RBFOX1: variants seen among roughly 807,000 people sequenced by gnomAD.
The protein encoded by RBFOX1 is RNA binding fox-1 homolog 1, also known as RNA binding protein fox-1 homolog 1.
RBFOX1 carries 8 observed loss-of-function variants against 57.7 expected under a neutral mutation model. The observed-to-expected ratio is 0.14, with a 90% CI of 0.08 to 0.25. The LOEUF (loss-of-function observed/expected upper bound fraction) is 0.25, where lower values mean the gene tolerates loss of function less well. Ranked by LOEUF, RBFOX1 falls within the 10% of genes least tolerant of loss-of-function variation. The pLI is 1.00. For missense variants in RBFOX1, 611 were observed against 548.5 expected (o/e 1.11, Z -1.14); for synonymous variants, 326 against 222.4 (o/e 1.47, Z -4.15).
intron 3 of RBFOX1, among the ~76,000 whole-genome samples, chr16:6,849,893 TATTTG>T (rs2141919985): frequency 6.6e-6 from 1 of 152,288 alleles, no homozygotes; most frequent in South Asian, 2.1e-4. Context: ...GATTTATAAT[TATTTG>T]TGTGTGTATA....
chr16:5,877,867 A>G (rs573878285), intron 4 of RBFOX1, among the ~76,000 whole-genome samples: 1 of 152,306 alleles, frequency 6.6e-6, no homozygotes, highest in South Asian at 2.1e-4. Flanking sequence ...CATGGTGATG[A>G]TAAACTGGTA....
intron 1 of RBFOX1, among the ~76,000 whole-genome samples, chr16:5,417,907 C>T (rs575701462): frequency 1.2e-4 from 18 of 152,122 alleles, no homozygotes; most frequent in Admixed American, 7.2e-4. Flanking sequence ...ATAGTGGAAC[C>T]GCATCTCTAC....
At chr16:6,953,462 C>T (rs528422387) in intron 3 of RBFOX1, among the ~76,000 whole-genome samples, 17 of 151,946 alleles carry the variant, frequency 1.1e-4, no homozygotes, top group Admixed American at 2.0e-4. Flanking sequence ...CTCAGCTCAC[C>T]GCAACCTCCA....
chr16:6,927,414 C>G (rs1278213293), intron 3 of RBFOX1, among the ~76,000 whole-genome samples: 3 of 53,154 alleles, frequency 5.6e-5, no homozygotes, highest in Non-Finnish European at 8.7e-5. Context: ...CGCTTTCTCA[C>G]AAAAAAAAAA....
chr16:7,565,127 T>A (rs1239560043), intron 5 of RBFOX1, among the ~76,000 whole-genome samples: 1 of 152,080 alleles, frequency 6.6e-6, no homozygotes, highest in African/African-American at 2.4e-5. Flanking sequence ...GAAGTGTGGG[T>A]TTTAGTTCAC....
intron 1 of RBFOX1, among the ~76,000 whole-genome samples, chr16:6,245,440 T>C (rs1239502110): frequency 6.6e-6 from 1 of 152,202 alleles, no homozygotes; most frequent in Non-Finnish European, 1.5e-5. Context: ...TTCACTTTTA[T>C]TAAGCACTTT....
intron 3 of RBFOX1, among the ~76,000 whole-genome samples, chr16:5,825,731 C>T (rs1468252896): frequency 6.6e-6 from 1 of 151,152 alleles, no homozygotes; most frequent in Non-Finnish European, 1.5e-5. Flanking sequence ...CCTGTTTCCT[C>T]CTTCCCTTAT....
intron 4 of RBFOX1, among the ~76,000 whole-genome samples, chr16:7,369,250 C>T (rs574000342): frequency 1.3e-5 from 2 of 151,986 alleles, no homozygotes; most frequent in African/African-American, 2.4e-5. Flanking sequence ...ACAGAAACCA[C>T]GATGTTCCTG....
intron 4 of RBFOX1, among the ~76,000 whole-genome samples, chr16:7,235,335 A>G (rs1399395730): frequency 6.6e-6 from 1 of 152,196 alleles, no homozygotes; most frequent in East Asian, 1.9e-4. Flanking sequence ...CCCTAGTGGT[A>G]TTTTTGGCTC....
chr16:5,570,710 C>A, intron 2 of RBFOX1, among the ~76,000 whole-genome samples: 1 of 151,958 alleles, frequency 6.6e-6, no homozygotes, highest in Middle Eastern at 3.4e-3. Flanking sequence ...CTTGTTGGTG[C>A]GCACCTGTAA....
chr16:7,411,395 CTCT>C (rs1315713786), intron 4 of RBFOX1, among the ~76,000 whole-genome samples: 3 of 152,196 alleles, frequency 2.0e-5, no homozygotes, highest in Non-Finnish European at 4.4e-5. Flanking sequence ...ACTCTTCCTT[CTCT>C]AAATTTCACC....
intron 4 of RBFOX1, among the ~76,000 whole-genome samples, chr16:7,243,876 G>A (rs908355616): frequency 4.6e-5 from 7 of 152,182 alleles, no homozygotes; most frequent in South Asian, 2.1e-4. Flanking sequence ...TAATGATTAT[G>A]TTATAATCTG....
intron 3 of RBFOX1, among the ~76,000 whole-genome samples, chr16:7,012,530 A>G (rs1380606418): frequency 6.6e-6 from 1 of 152,216 alleles, no homozygotes; most frequent in African/African-American, 2.4e-5. Context: ...AAAAACAAGG[A>G]CATTGGAACA....
chr16:7,255,144 T>G (rs2094626793), intron 4 of RBFOX1, among the ~76,000 whole-genome samples: 1 of 152,194 alleles, frequency 6.6e-6, no homozygotes, highest in Non-Finnish European at 1.5e-5. Flanking sequence ...TTTGCAACAC[T>G]GTTGAAAAAT....
intron 2 of RBFOX1, among the ~76,000 whole-genome samples, chr16:6,447,216 G>A (rs756629568): frequency 2.6e-4 from 40 of 152,128 alleles, no homozygotes; most frequent in Non-Finnish European, 5.4e-4. Context: ...TTGTCTAACA[G>A]ATTTCTTGTA....
intron 4 of RBFOX1, among the ~76,000 whole-genome samples, chr16:5,931,819 T>A (rs1045108080): frequency 2.6e-5 from 4 of 152,168 alleles, no homozygotes; most frequent in African/African-American, 9.7e-5. Flanking sequence ...GTGATTAGAT[T>A]GTTATGTGGC....
chr16:7,064,432 G>C (rs1474932819), intron 4 of RBFOX1, among the ~76,000 whole-genome samples: 1 of 152,116 alleles, frequency 6.6e-6, no homozygotes, highest in African/African-American at 2.4e-5. Flanking sequence ...GCCTCCCAAA[G>C]TGTTGGGTTT....
rs191874217 is a variant in RBFOX1 at position 6,431,997 on chromosome 16, T to C, written c.-64+114940T>C. On this transcript the variant is annotated intron_variant, in intron 2 of 15. Coordinates refer to ENST00000550418, the MANE Select transcript of RBFOX1 (RefSeq NM_018723.4). ...TTGAAATAGAGACAGGGTCATATTC[T>C]ATCACCAAGGCTGTAGTGCCACTGC... is the stretch of plus-strand genomic sequence containing the variant. Among the ~76,000 whole-genome samples, 99 of 151,472 alleles carry C rather than the reference T, an allele frequency of 6.5e-4. 1 individual carries two copies. Among genetic ancestry groups the C allele is most frequent in the Middle Eastern group, 6.8e-3 (2 of 294 alleles).
At chr16:6,586,503 G>GA (rs1034533596) in intron 2 of RBFOX1, among the ~76,000 whole-genome samples, 1 of 151,964 alleles carries the variant, frequency 6.6e-6, no homozygotes, top group Non-Finnish European at 1.5e-5. Flanking sequence ...TGGCCTTAAG[G>GA]AAAAAAACAG....
Sources: gnomAD v4.1 joint callset for allele counts (sites outside exome capture counted in the v4.1 genomes callset) on GRCh38, gnomAD v4.1.1 for gene constraint, MANE v1.5 for transcripts, NCBI Gene and HGNC (gene_info 2026-07-23, HGNC 2026-07-21) for gene names.